MTUS1: variants seen among roughly 807,000 people sequenced by gnomAD.
MTUS1 encodes microtubule-associated tumor suppressor 1.
Under a neutral mutation model 120.8 loss-of-function variants are expected in MTUS1, and 109 were observed. The ratio of observed to expected loss-of-function variants is 0.90; its 90% CI spans 0.77 to 1.06. MTUS1 has a LOEUF of 1.06. Among genes scored for constraint, MTUS1 ranks in the 50% least tolerant of loss-of-function variants. The probability of loss-of-function intolerance (pLI) is 0.00; values close to 1 mark genes in which losing one functional copy is unlikely to be tolerated. For missense variants in MTUS1, 2,210 were observed against 1,486.3 expected, an observed-to-expected ratio of 1.49 and a Z score of -8.01; for synonymous variants, 737 against 550.5, an observed-to-expected ratio of 1.34 and a Z score of -4.74.
intron 1 of MTUS1, among the ~76,000 whole-genome samples, chr8:17,794,118 A>G (rs574400632): frequency 1.3e-5 from 2 of 152,180 alleles, no homozygotes; most frequent in Non-Finnish European, 2.9e-5. Context: ...ACCTGAGGTC[A>G]GGAGTTCGAG....
intron 1 of MTUS1, among the ~76,000 whole-genome samples, chr8:17,770,054 T>C (rs1784617741): frequency 6.6e-6 from 1 of 152,188 alleles, no homozygotes; most frequent in South Asian, 2.1e-4. Flanking sequence ...CCGCACTCCA[T>C]ACAATTGTTG....
At chr8:17,798,749 G>A (rs1028016362) in intron 1 of MTUS1, among the ~76,000 whole-genome samples, 1 of 152,000 alleles carries the variant, frequency 6.6e-6, no homozygotes, top group African/African-American at 2.4e-5. Flanking sequence ...AAAGAAATTT[G>A]TGTATGTCAA....
chr8:17,713,115 A>G (rs1821656414), intron 6 of MTUS1, 99 bp downstream of exon 6: 2 of 975,784 alleles, frequency 2.0e-6, no homozygotes, highest in Middle Eastern at 2.1e-4. Flanking sequence ...TGGAAATTCT[A>G]CTTATAAGCA....
intron 6 of MTUS1, among the ~76,000 whole-genome samples, chr8:17,709,152 A>C (rs1276210358): frequency 2.0e-5 from 3 of 151,332 alleles, no homozygotes; most frequent in Admixed American, 6.6e-5. Flanking sequence ...AAAAAAAAGA[A>C]AAAGAATTCT....
In MTUS1 at chr8:17,654,670, T is replaced by C. The variant is rs1807812220; in HGVS notation, c.3109-4A>G. On this transcript the variant is annotated splice_polypyrimidine_tract_variant and splice_region_variant and intron_variant, in intron 9 of 14. Transcript: ENST00000693296. ...GCGCAGCATTTAAGTTGTCAAACTG[T>C]AAGCAACAAACAAAACCGTGGTTTA... The C allele has an allele frequency of 1.2e-6, 2 of 1,608,438 alleles. No individual in the cohort carries two copies.
intron 8 of MTUS1, among the ~76,000 whole-genome samples, chr8:17,659,377 A>G (rs1459127726): frequency 6.6e-6 from 1 of 152,172 alleles, no homozygotes. Context: ...CAGATTTTTA[A>G]AACAATTAAA....
chr8:17,729,598 G>A (rs930686967), intron 3 of MTUS1, among the ~76,000 whole-genome samples: 7 of 152,040 alleles, frequency 4.6e-5, no homozygotes. Flanking sequence ...ATAAAAATGA[G>A]AAAAATAAAA....
chr8:17,746,167 C>G (rs1291303550), intron 2 of MTUS1, among the ~76,000 whole-genome samples: 2 of 152,122 alleles, frequency 1.3e-5, no homozygotes, highest in African/African-American at 4.8e-5. Context: ...TTCATGAAGA[C>G]CTAGCCTTGG....
rs1406214161 is a variant in MTUS1 at position 17,742,310 on chromosome 8, T to A, written c.2287+1294A>T. On this transcript the variant is annotated intron_variant, in intron 3 of 14. Coordinates refer to ENST00000693296, the MANE Select transcript of MTUS1 (RefSeq NM_001363059.2). Reference sequence around the variant, plus strand: ...GTTGTTGTTTTTTTTTTTTTTTTTTTTAGAGATAGTGTCTTGCTATGTTGC... The same window carrying A: ...GTTGTTGTTTTTTTTTTTTTTTTTTATAGAGATAGTGTCTTGCTATGTTGC... 9.0e-4 allele frequency among the ~76,000 whole-genome samples: 131 copies of A among 146,192 alleles called. 1 individual carries two copies. The highest frequency in any genetic ancestry group is 1.7e-3 in the Non-Finnish European group (114 of 66,886).
intron 12 of MTUS1, chr8:17,651,594 A>G (rs968762626): frequency 4.0e-5 from 6 of 150,812 alleles, no homozygotes; most frequent in African/African-American, 1.5e-4. Flanking sequence ...GGGAAATGGC[A>G]TAACTTACCG....
At chr8:17,774,261 A>G (rs151296876) in intron 1 of MTUS1, among the ~76,000 whole-genome samples, 137 of 152,326 alleles carry the variant, frequency 9.0e-4, no homozygotes, top group Middle Eastern at 3.4e-3. Flanking sequence ...GGAAAACACT[A>G]GCCCTTCACA....
intron 1 of MTUS1, among the ~76,000 whole-genome samples, chr8:17,766,724 T>C (rs1018369186): frequency 2.6e-5 from 4 of 152,162 alleles, no homozygotes; most frequent in Non-Finnish European, 5.9e-5. Context: ...TAACAGAGAA[T>C]TGATTTTGAT....
chr8:17,777,129 C>T (rs1316712537), intron 1 of MTUS1, among the ~76,000 whole-genome samples: 2 of 152,096 alleles, frequency 1.3e-5, no homozygotes, highest in Non-Finnish European at 2.9e-5. Flanking sequence ...CCACCCCCAG[C>T]ATTTGGATTT....
chr8:17,683,749 T>G (rs1366972331), intron 7 of MTUS1, among the ~76,000 whole-genome samples: 1 of 152,186 alleles, frequency 6.6e-6, no homozygotes, highest in Non-Finnish European at 1.5e-5. Flanking sequence ...ATAAACTTGG[T>G]TTTCTCAATG....
rs1554533209 is a variant in MTUS1 at position 17,767,702 on chromosome 8, A to AAAAAAAAAAACAAAAC, written c.-154-11742_-154-11741insGTTTTGTTTTTTTTTT. On this transcript the variant is annotated intron_variant, in intron 1 of 14. Transcript: ENST00000693296. ...TGATAGAGCAAGACCCTGTCTCTTA[A>AAAAAAAAAAACAAAAC]AAAAAAAAAAAAAAAACGGTGTGAA... 1.3e-3 allele frequency among the ~76,000 whole-genome samples: 186 copies of AAAAAAAAAAACAAAAC among 143,686 alleles called. 1 individual carries two copies. The highest frequency in any genetic ancestry group is 4.6e-3 in the African/African-American group (169 of 36,894). 94.3% of individuals were successfully genotyped at this position (143,686 alleles called of 152,430 possible).
intron 1 of MTUS1, among the ~76,000 whole-genome samples, chr8:17,764,257 G>A (rs888663973): frequency 3.3e-5 from 5 of 151,982 alleles, no homozygotes; most frequent in Non-Finnish European, 5.9e-5. Flanking sequence ...CAAATCCTTG[G>A]GGATACAGAG....
chr8:17,719,916 A>G (rs1416213597), intron 4 of MTUS1, among the ~76,000 whole-genome samples: 1 of 152,242 alleles, frequency 6.6e-6, no homozygotes, highest in Non-Finnish European at 1.5e-5. Flanking sequence ...TTGCAGTGAA[A>G]AGGGTCAGAA....
At chr8:17,710,876 A>G (rs1258709322) in intron 6 of MTUS1, among the ~76,000 whole-genome samples, 1 of 152,162 alleles carries the variant, frequency 6.6e-6, no homozygotes, top group East Asian at 1.9e-4. Flanking sequence ...ATCTTCCTGT[A>G]CTATACTCTT....
intron 6 of MTUS1, among the ~76,000 whole-genome samples, chr8:17,710,985 C>G (rs958152843): frequency 6.6e-6 from 1 of 152,162 alleles, no homozygotes; most frequent in Non-Finnish European, 1.5e-5. Context: ...TGAAAGACAT[C>G]TCTTGAGTTG....
Sources: allele counts gnomAD v4.1 joint callset (sites outside exome capture counted in the v4.1 genomes callset), GRCh38; gene constraint gnomAD v4.1.1; transcripts MANE v1.5; gene names NCBI Gene and HGNC (gene_info 2026-07-23, HGNC 2026-07-21).